The following PDIA2 variants were observed in gnomAD, a reference collection of about 807,000 sequenced individuals.
The protein encoded by PDIA2 is protein disulfide-isomerase A2.
PDIA2 carries 76 observed loss-of-function variants against 51.1 expected under a neutral mutation model. That is an observed-to-expected ratio of 1.49 (90% CI 1.24 to 1.80). The LOEUF is 1.80. Among genes scored for constraint, PDIA2 ranks in the 40% most tolerant of loss-of-function variants. The pLI is 0.00. For synonymous variants in PDIA2, 429 were observed against 309.9 expected (o/e 1.38, Z -4.04); for missense variants, 946 against 706.5 (o/e 1.34, Z -3.84).
rs1351097761 is a variant in PDIA2, at chr16:284,484, G to T, written c.297G>T (p.Lys99Asn). 4.4e-6 allele frequency: 7 copies of T among 1,609,048 alleles called. No homozygotes were observed. The highest frequency in any genetic ancestry group is 5.9e-6 in the Non-Finnish European group (7 of 1,178,556). The change falls in exon 2 of 11, where the codon AAG (lysine) becomes AAT (asparagine). Residue 99 changes from lysine (K) to asparagine (N), a missense_variant. Coordinates refer to ENST00000219406, the MANE Select transcript of PDIA2 (RefSeq NM_006849.4). Reference sequence around the variant, plus strand: ...AGTCAATGGTGGTCACGCTGGCCAAGGTGGATGGGCCCGCGCAGCGCGAGC... The same window carrying T: ...AGTCAATGGTGGTCACGCTGGCCAATGTGGATGGGCCCGCGCAGCGCGAGC... ...AAESMVVTLAKVDGPAQRELA... is the reference protein window; with the variant it reads ...AAESMVVTLANVDGPAQRELA...
chr16:284,609 G>T lies in PDIA2; in HGVS notation c.406+16G>T, dbSNP rs2052328690. ...GAGTACACAGGTGAGGGGCAGGCCG[G>T]TCATTGGGGGGGCGGTGGCCAGGCC... On this transcript the variant is annotated intron_variant, in intron 2 of 10. Transcript: ENST00000219406. The T allele has an allele frequency of 4.4e-6, 7 of 1,607,514 alleles. No individual in the cohort carries two copies. Among genetic ancestry groups the T allele is most frequent in the Non-Finnish European group, 5.9e-6 (7 of 1,179,120 alleles).
intron 1 of PDIA2, chr16:284,031 A>G (rs1436121066): frequency 9.0e-6 from 3 of 334,124 alleles, no homozygotes; most frequent in Non-Finnish European, 1.7e-5. Flanking sequence ...ATCCCGGCTA[A>G]TATTTTTTGT....
Position 284,392 on chromosome 16 carries a change from CCGTGGTGT to C in PDIA2, c.206_213del (p.Pro69ArgfsTer39). ...CTCACGGCCCCATCCCCCAGATGCC[CCGTGGTGT>C]GGGCACTGCCAGGCCCTGGCCCCCG... is the stretch of plus-strand genomic sequence containing the variant. On this transcript the variant is annotated frameshift_variant, in exon 2 of 11. Transcript: ENST00000219406. LOFTEE classifies it high-confidence loss of function. The C allele has an allele frequency of 5.1e-6, 8 of 1,556,490 alleles. No homozygotes were observed. Among genetic ancestry groups the C allele is most frequent in the Non-Finnish European group, 6.9e-6 (8 of 1,156,874 alleles).
rs1567250370 is a variant in PDIA2, at chr16:285,587, AC to A, written c.1004del (p.Thr335IlefsTer43). 3 of 1,613,092 alleles carry A rather than the reference AC, an allele frequency of 1.9e-6. No homozygotes were observed. ...YFGLKAEAAP[T>X]LRLVNLETTK... ...TGGACTCAAGGCTGAGGCAGCCCCC[AC>A]TCTGCGCTTGGTCAACCTTGAAACC... On this transcript the variant is annotated frameshift_variant, in exon 7 of 11. Transcript: ENST00000219406. LOFTEE classifies it high-confidence loss of function.
chr16:286,907 A>G lies in PDIA2; in HGVS notation c.1495A>G (p.Thr499Ala), dbSNP rs370277985. The G allele has an allele frequency of 6.2e-7, 1 of 1,602,052 alleles. No individual in the cohort carries two copies. Among genetic ancestry groups the G allele is most frequent in the Non-Finnish European group, 8.5e-7 (1 of 1,176,086 alleles). Reference sequence around the variant, plus strand: ...CCTGGACAACGGGGGCGTGCTGCCCACGGAGGAGCCCCCGGAGGAGCCAGC... The same window carrying G: ...CCTGGACAACGGGGGCGTGCTGCCCGCGGAGGAGCCCCCGGAGGAGCCAGC... ...KFLDNGGVLP[T>A]EEPPEEPAAP... Residue 499 changes from threonine to alanine, a missense_variant, in exon 10 of 11, where the codon ACG becomes GCG. Physicochemically the swap from Thr to Ala is moderately conservative, Grantham distance 58. Coordinates refer to ENST00000219406, the MANE Select transcript of PDIA2 (RefSeq NM_006849.4).
Position 285,446 on chromosome 16 carries a change from G to T in PDIA2, c.921+9G>T. 1 of 1,611,436 alleles carries T rather than the reference G, an allele frequency of 6.2e-7. No individual in the cohort carries two copies. Among genetic ancestry groups the T allele is most frequent in the African/African-American group, 1.3e-5 (1 of 74,984 alleles). ...CCCGCTTCCGGGGGCAGGTACTGGG[G>T]GGCTGGGGGAAAGGGGCAGCGGGAG... On this transcript the variant is annotated intron_variant, in intron 6 of 10. Coordinates refer to ENST00000219406, the MANE Select transcript of PDIA2 (RefSeq NM_006849.4).
Position 285,589 on chromosome 16 carries a change from T to A in PDIA2, c.1005T>A (p.Thr335=). 1 of 1,613,200 alleles carries A rather than the reference T, an allele frequency of 6.2e-7. No individual in the cohort carries two copies. The highest frequency in any genetic ancestry group is 8.5e-7 in the Non-Finnish European group (1 of 1,179,946). The change falls in exon 7 of 11, where the codon ACT becomes ACA. Residue 335 remains threonine (T), a synonymous_variant. Transcript: ENST00000219406. ...GACTCAAGGCTGAGGCAGCCCCCACTCTGCGCTTGGTCAACCTTGAAACCA... is the reference window on the plus strand; with the variant it reads ...GACTCAAGGCTGAGGCAGCCCCCACACTGCGCTTGGTCAACCTTGAAACCA... The part of the protein sequence containing the change: ...YFGLKAEAAP[T]LRLVNLETTK...
At chr16:284,178 G>A (rs367586713) in intron 1 of PDIA2, 10 of 606,848 alleles carry the variant, frequency 1.6e-5, no homozygotes, top group African/African-American at 3.7e-5. Context: ...GTGGGGGGAG[G>A]GGGGGTGGTC....
chr16:287,158 C>A lies in PDIA2; in HGVS notation c.*45C>A. On this transcript the variant is annotated 3_prime_UTR_variant, in exon 11 of 11. Transcript: ENST00000219406. The stretch of plus-strand genomic sequence containing the variant: ...GCCATCACTGCTGGACAGGAGCCAC[C>A]CCCTTGGGTACCAGAGGGAGCTGTG... The A allele has an allele frequency of 1.2e-6, 2 of 1,609,334 alleles. No individual in the cohort carries two copies. Among genetic ancestry groups the A allele is most frequent in the Non-Finnish European group, 1.7e-6 (2 of 1,177,148 alleles).
At chr16:285,787 G>A (rs2052349453) in intron 7 of PDIA2, 84 bp downstream of exon 7, 1 of 1,446,406 alleles carries the variant, frequency 6.9e-7, no homozygotes, top group Non-Finnish European at 9.4e-7. Context: ...GCAGCTCTCA[G>A]AGCCCCCTGC....
Position 285,001 on chromosome 16 carries a change from G to C in PDIA2, c.664G>C (p.Val222Leu). 6.2e-7 allele frequency: 1 copy of C among 1,613,376 alleles called. No individual in the cohort carries two copies. Among genetic ancestry groups the C allele is most frequent in the Non-Finnish European group, 8.5e-7 (1 of 1,180,020 alleles). ...GTTTGGCCTCACCAAGGACACTGTG[G>C]TTCTCTTCAAGAAGGTAGGTCAGGC... ...QQFGLTKDTV[V>L]LFKKFDEGRA... The change falls in exon 4 of 11, where the codon GTT (valine) becomes CTT (leucine). Residue 222 changes from valine (V) to leucine (L), a missense_variant. Transcript: ENST00000219406.
intron 9 of PDIA2, 37 bp from the exon 10 acceptor site, chr16:286,798 C>T (rs2141453508): frequency 1.2e-6 from 2 of 1,611,478 alleles, no homozygotes; most frequent in East Asian, 2.2e-5. Context: ...TGGGGCTGGG[C>T]CCCACGTGTC....
rs757796245 is a variant in PDIA2 at position 283,315 on chromosome 16, G to A, written c.146G>A (p.Arg49His). The change falls in exon 1 of 11, where the codon CGC becomes CAC. Residue 49 changes from arginine to histidine, a missense_variant. Coordinates refer to ENST00000219406, the MANE Select transcript of PDIA2 (RefSeq NM_006849.4). ...PKEDGILVLS[R>H]HTLGLALREH... is the part of the protein sequence containing the mutation. Reference sequence around the variant, plus strand: ...GAGGATGGGATCTTGGTGCTGAGCCGCCACACCCTGGGCCTGGCCCTGCGG... The same window carrying A: ...GAGGATGGGATCTTGGTGCTGAGCCACCACACCCTGGGCCTGGCCCTGCGG... 49 of 1,609,392 alleles carry A rather than the reference G, an allele frequency of 3.0e-5. No homozygotes were observed. Among genetic ancestry groups the A allele is most frequent in the South Asian group, 2.9e-4 (26 of 90,506 alleles).
chr16:284,986 A>C lies in PDIA2; in HGVS notation c.649A>C (p.Thr217Pro), dbSNP rs764918166. The C allele has an allele frequency of 6.2e-7, 1 of 1,613,410 alleles. No homozygotes were observed. Among genetic ancestry groups the C allele is most frequent in the Admixed American group, 1.7e-5 (1 of 60,028 alleles). The change falls in exon 4 of 11, where the codon ACC becomes CCC. Residue 217 changes from threonine to proline, a missense_variant. Transcript: ENST00000219406. ...RPRLFQQFGL[T>P]KDTVVLFKKF... ...GCGGCTCTTTCAGCAGTTTGGCCTC[A>C]CCAAGGACACTGTGGTTCTCTTCAA...
At chr16:285,771 G>A (rs1267989193) in intron 7 of PDIA2, 68 bp downstream of exon 7, 42 of 1,524,942 alleles carry the variant, frequency 2.8e-5, no homozygotes, top group Non-Finnish European at 3.7e-5. Context: ...GCAGGGGGTG[G>A]GAACAGCAGC....
chr16:286,995 C>G, intron 10 of PDIA2, 50 bp downstream of exon 10: 1 of 1,611,550 alleles, frequency 6.2e-7, no homozygotes, highest in Non-Finnish European at 8.5e-7. Flanking sequence ...ATCCTCTTTA[C>G]ACAGGGCTGG....
Position 287,072 on chromosome 16 carries a change from C to G in PDIA2, c.1537C>G (p.Pro513Ala), listed in dbSNP as rs1478177137. The change falls in exon 11 of 11, where the codon CCA becomes GCA. Residue 513 changes from proline to alanine, a missense_variant. Pro to Ala is a conservative substitution (Grantham distance 27). Coordinates refer to ENST00000219406, the MANE Select transcript of PDIA2 (RefSeq NM_006849.4). ...CTGCACTTGTGACCCTTTCTAGGAGCCACCGGCCAACTCCACTATGGGGTC... is the reference window on the plus strand; with the variant it reads ...CTGCACTTGTGACCCTTTCTAGGAGGCACCGGCCAACTCCACTATGGGGTC... ...PEEPAAPFPE[P>A]PANSTMGSKE... is the part of the protein sequence containing the mutation. 4.3e-6 allele frequency: 7 copies of G among 1,612,788 alleles called. No homozygotes were observed. The highest frequency in any genetic ancestry group is 5.9e-6 in the Non-Finnish European group (7 of 1,179,960).
rs1169927035 is a variant in PDIA2 at position 284,871 on chromosome 16, C to T, written c.541-7C>T. On this transcript the variant is annotated splice_polypyrimidine_tract_variant and splice_region_variant and intron_variant, in intron 3 of 10. Coordinates refer to ENST00000219406, the MANE Select transcript of PDIA2 (RefSeq NM_006849.4). Reference sequence around the variant, plus strand: ...ACCGGGTGGCCTCACAGGGCCAGGCCCCTCAGGACCTGCAGGACGAGGACG... The same window carrying T: ...ACCGGGTGGCCTCACAGGGCCAGGCTCCTCAGGACCTGCAGGACGAGGACG... The T allele has an allele frequency of 2.5e-6, 4 of 1,611,964 alleles. No homozygotes were observed. Among genetic ancestry groups the T allele is most frequent in the Admixed American group, 1.7e-5 (1 of 59,972 alleles).
At position 286,567 on chromosome 16, in the gene PDIA2, C is replaced by T. The variant is rs754891602; in HGVS notation, c.1254C>T (p.Cys418=). The part of the protein sequence containing the change: ...NVFVKFYAPW[C]THCKEMAPAW... ...CTCCCATCCTAGATGCCCCGTGGTG[C>T]ACCCACTGCAAGGAGATGGCCCCTG... The change falls in exon 9 of 11, where the codon TGC becomes TGT. Residue 418 remains cysteine, a synonymous_variant. Transcript: ENST00000219406. 2 of 1,612,786 alleles carry T rather than the reference C, an allele frequency of 1.2e-6. No individual in the cohort carries two copies. Among genetic ancestry groups the T allele is most frequent in the African/African-American group, 2.7e-5 (2 of 74,998 alleles).
Sources: allele counts gnomAD v4.1 joint callset, GRCh38; gene constraint gnomAD v4.1.1; transcripts MANE v1.5; gene names NCBI Gene and HGNC (gene_info 2026-07-23, HGNC 2026-07-21).